CDKL2: variants seen among roughly 807,000 people sequenced by gnomAD.
CDKL2 encodes cyclin-dependent kinase-like 2.
A neutral mutation model predicts 63.9 loss-of-function variants in CDKL2; 64 were observed. That is an observed-to-expected ratio of 1.00 (90% CI 0.82 to 1.23). CDKL2 has a LOEUF of 1.23. Among genes scored for constraint, CDKL2 ranks in the 50% most tolerant of loss-of-function variants. The pLI is 0.00. For synonymous variants in CDKL2, 211 were observed against 229.2 expected, an observed-to-expected ratio of 0.92 and a Z score of 0.72; for missense variants, 656 against 668.0, an observed-to-expected ratio of 0.98 and a Z score of 0.20.
At chr4:75,594,346 G>A (rs1323971088) in intron 10 of CDKL2, among the ~76,000 whole-genome samples, 1 of 151,970 alleles carries the variant, frequency 6.6e-6, no homozygotes, top group Non-Finnish European at 1.5e-5. Context: ...TACTCGGGAG[G>A]TTGAGGCAGG....
At chr4:75,581,921 C>T in intron 12 of CDKL2, 23 bp from the exon 13 acceptor site, 1 of 1,528,530 alleles carries the variant, frequency 6.5e-7, no homozygotes, top group Non-Finnish European at 9.1e-7. Flanking sequence ...AATAGAGCAT[C>T]ATAGGTTCTC....
chr4:75,590,526 C>T (rs1399173669), intron 12 of CDKL2, among the ~76,000 whole-genome samples: 1 of 152,066 alleles, frequency 6.6e-6, no homozygotes, highest in African/African-American at 2.4e-5. Flanking sequence ...ACCAGCCTGG[C>T]CAACATGGTG....
chr4:75,592,343 CTA>C, intron 10 of CDKL2, 74 bp from the exon 11 acceptor site: 1 of 1,276,998 alleles, frequency 7.8e-7, no homozygotes, highest in East Asian at 2.7e-5. Flanking sequence ...TCTGTAACTC[CTA>C]TGTTCATATC....
chr4:75,616,984 C>G (rs1310563814), intron 2 of CDKL2, among the ~76,000 whole-genome samples: 1 of 151,994 alleles, frequency 6.6e-6, no homozygotes, highest in Admixed American at 6.6e-5. Flanking sequence ...GGGAGAGGAC[C>G]AGGAAAAATG....
chr4:75,608,121 C>CTT (rs1729508640), intron 3 of CDKL2, among the ~76,000 whole-genome samples: 3 of 62,872 alleles, frequency 4.8e-5, no homozygotes, highest in Non-Finnish European at 9.8e-5. Context: ...GGGCCAAAAA[C>CTT]CTTTTTTTTT....
In CDKL2 at chr4:75,578,081, GA is replaced by G. The variant is rs1356990850; in HGVS notation, c.*1120del. 4 of 150,702 alleles carry G rather than the reference GA, an allele frequency of 2.7e-5. No individual in the cohort carries two copies. Among genetic ancestry groups the G allele is most frequent in the African/African-American group, 9.8e-5 (4 of 41,008 alleles). The allele number at this position is 150,702 out of a possible 1,614,324, so 9.3% of individuals were successfully genotyped here. ...AATGCAGAGCATGTGTAGAAACCCAGAAATCAAGAACCTGTAGCCAACTTAG... is the reference window on the plus strand; with the variant it reads ...AATGCAGAGCATGTGTAGAAACCCAGAATCAAGAACCTGTAGCCAACTTAG... On this transcript the variant is annotated 3_prime_UTR_variant, in exon 14 of 14. Transcript: ENST00000307465.
At chr4:75,600,179 A>G (rs1488123927) in intron 7 of CDKL2, 102 bp downstream of exon 7, 4 of 718,572 alleles carry the variant, frequency 5.6e-6, no homozygotes, top group Non-Finnish European at 2.4e-6. Context: ...AGATCCTGCA[A>G]AGTAGGTGGG....
intron 1 of CDKL2, among the ~76,000 whole-genome samples, chr4:75,629,799 C>A (rs1262859169): frequency 1.3e-5 from 2 of 151,536 alleles, no homozygotes; most frequent in Non-Finnish European, 2.9e-5. Flanking sequence ...CTTAGCCGGG[C>A]GTGGTGGTGA....
rs781179747 is a variant in CDKL2 at position 75,603,970 on chromosome 4, C to G, written c.656-14G>C. On this transcript the variant is annotated splice_polypyrimidine_tract_variant and intron_variant, in intron 5 of 13. Transcript: ENST00000307465. The stretch of plus-strand genomic sequence containing the variant: ...GAATTAGATTACCTGGAAGTGAAAA[C>G]AGCACATATCTCTGTTATTATACAA... The G allele has an allele frequency of 6.3e-7, 1 of 1,597,540 alleles. No homozygotes were observed. Among genetic ancestry groups the G allele is most frequent in the South Asian group, 1.1e-5 (1 of 88,518 alleles).
At chr4:75,616,437 TG>T (rs1729927993) in intron 2 of CDKL2, among the ~76,000 whole-genome samples, 1 of 151,882 alleles carries the variant, frequency 6.6e-6, no homozygotes, top group South Asian at 2.1e-4. Flanking sequence ...CTGAGGCAGG[TG>T]GATCACCTGA....
intron 12 of CDKL2, among the ~76,000 whole-genome samples, chr4:75,585,568 G>A (rs1258753809): frequency 2.6e-5 from 4 of 151,940 alleles, no homozygotes. Context: ...ACTCCAGCCT[G>A]GGCAACAGAG....
intron 2 of CDKL2, among the ~76,000 whole-genome samples, chr4:75,622,073 A>G (rs950723858): frequency 5.3e-5 from 8 of 152,216 alleles, no homozygotes; most frequent in East Asian, 1.9e-4. Context: ...TTGAGTATCA[A>G]TAAGTCAAGT....
chr4:75,600,410 C>T (rs747511054), intron 6 of CDKL2, 41 bp from the exon 7 acceptor site: 2 of 1,217,500 alleles, frequency 1.6e-6, no homozygotes, highest in Non-Finnish European at 1.2e-6. Flanking sequence ...TCAAGAAAAA[C>T]TACCTACATT....
chr4:75,600,562 T>C (rs1729144103), intron 6 of CDKL2, among the ~76,000 whole-genome samples, 193 bp from the exon 7 acceptor site: 1 of 152,046 alleles, frequency 6.6e-6, no homozygotes, highest in South Asian at 2.1e-4. Flanking sequence ...TAGGCTCAGG[T>C]GATCCTTCCA....
intron 2 of CDKL2, among the ~76,000 whole-genome samples, chr4:75,622,172 T>C (rs1560594442): frequency 6.6e-6 from 1 of 152,022 alleles, no homozygotes. Context: ...AACCTAGATA[T>C]ATGGAAGGCA....
In CDKL2 at chr4:75,578,590, C is replaced by T. The variant is rs926630124; in HGVS notation, c.*612G>A. 6.6e-6 allele frequency: 1 copy of T among 152,190 alleles called. No individual in the cohort carries two copies. The highest frequency in any genetic ancestry group is 1.5e-5 in the Non-Finnish European group (1 of 68,030). The allele number at this position is 152,190 out of a possible 1,614,324, so 9.4% of individuals were successfully genotyped here. On this transcript the variant is annotated 3_prime_UTR_variant, in exon 14 of 14. Transcript: ENST00000307465. ...TCAAAGATACACATCTACCCATGGA[C>T]AGGAGTTACATATTCACTTAATATC...
At chr4:75,622,319 C>G (rs1354858494) in intron 2 of CDKL2, among the ~76,000 whole-genome samples, 1 of 152,008 alleles carries the variant, frequency 6.6e-6, no homozygotes. Context: ...AAGAGATATA[C>G]TTTACATCTA....
At position 75,578,713 on chromosome 4, in the gene CDKL2, C is replaced by T. The variant is rs1397892895; in HGVS notation, c.*489G>A. The T allele has an allele frequency of 6.6e-6, 1 of 152,546 alleles. No individual in the cohort carries two copies. The highest frequency in any genetic ancestry group is 1.9e-4 in the East Asian group (1 of 5,192). 9.4% of individuals were successfully genotyped at this position (152,546 alleles called of 1,614,324 possible). ...TCCTAGTTTCTTCAATTTTCTTCAA[C>T]TGATCCTAATTTTTATCACCTACCC... is the stretch of plus-strand genomic sequence containing the variant. On this transcript the variant is annotated 3_prime_UTR_variant, in exon 14 of 14. Transcript: ENST00000307465.
At chr4:75,586,659 T>C (rs1728495600) in intron 12 of CDKL2, among the ~76,000 whole-genome samples, 1 of 152,124 alleles carries the variant, frequency 6.6e-6, no homozygotes, top group Admixed American at 6.5e-5. Flanking sequence ...AAATTATACA[T>C]AGAATAACAT....
Sources: gnomAD v4.1 joint callset for allele counts (sites outside exome capture counted in the v4.1 genomes callset) on GRCh38, gnomAD v4.1.1 for gene constraint, MANE v1.5 for transcripts, NCBI Gene and HGNC (gene_info 2026-07-23, HGNC 2026-07-21) for gene names.